SGCD: variants seen among roughly 807,000 people sequenced by gnomAD.
SGCD encodes the protein delta-sarcoglycan.
Under a neutral mutation model 36.6 loss-of-function variants are expected in SGCD, and 18 were observed. The ratio of observed to expected loss-of-function variants is 0.49; its 90% CI spans 0.34 to 0.73. The LOEUF (loss-of-function observed/expected upper bound fraction) is 0.73. SGCD is among the 30% of genes least tolerant of loss of function. The pLI is 0.01. For synonymous variants in SGCD, 133 were observed against 130.6 expected (o/e 1.02, Z -0.12); for missense variants, 387 against 346.7 (o/e 1.12, Z -0.92).
At chr5:156,108,766 G>A (rs890990893) in intron 1 of SGCD, among the ~76,000 whole-genome samples, 1 of 152,090 alleles carries the variant, frequency 6.6e-6, no homozygotes, top group Admixed American at 6.6e-5. Flanking sequence ...ATGGATAAGA[G>A]GGTTGATCAA....
chr5:156,736,788 C>T (rs1756391363), intron 7 of SGCD, among the ~76,000 whole-genome samples: 1 of 152,244 alleles, frequency 6.6e-6, no homozygotes, highest in South Asian at 2.1e-4. Flanking sequence ...GTGTTCACTA[C>T]ATAGTGATTA....
intron 6 of SGCD, among the ~76,000 whole-genome samples, chr5:156,642,700 G>A (rs10476477): frequency 0.079 from 11,941 of 151,546 alleles, 1,060 homozygotes; most frequent in African/African-American, 0.21. Flanking sequence ...AACTCCTGAC[G>A]TCATGATCCG....
chr5:155,834,725 C>A, the SGCD span, among the ~76,000 whole-genome samples: 1 of 152,100 alleles, frequency 6.6e-6, no homozygotes, highest in South Asian at 2.1e-4. Flanking sequence ...CCTTTCCCTG[C>A]ATTTCTCTCC....
At chr5:156,305,729 A>T (rs995254263) in intron 3 of SGCD, among the ~76,000 whole-genome samples, 1 of 152,236 alleles carries the variant, frequency 6.6e-6, no homozygotes, top group Non-Finnish European at 1.5e-5. Flanking sequence ...ATGCTAGCCC[A>T]TGATAGCAGT....
intron 7 of SGCD, among the ~76,000 whole-genome samples, chr5:156,678,245 G>A (rs949223326): frequency 6.6e-6 from 1 of 152,186 alleles, no homozygotes; most frequent in Non-Finnish European, 1.5e-5. Flanking sequence ...AATATTGTAA[G>A]CTGTGAAACA....
intron 1 of SGCD, among the ~76,000 whole-genome samples, chr5:156,013,080 C>T (rs1758894407): frequency 6.7e-6 from 1 of 148,596 alleles, no homozygotes. Flanking sequence ...GGCTGGAGTG[C>T]AGTGGCACCA....
intron 7 of SGCD, among the ~76,000 whole-genome samples, chr5:156,757,177 T>C (rs962568259): frequency 7.4e-6 from 1 of 135,788 alleles, no homozygotes; most frequent in South Asian, 2.3e-4. Context: ...TCTGCCTCCA[T>C]GGAAGATACA....
At chr5:156,304,533 G>A (rs1767150006) in intron 3 of SGCD, among the ~76,000 whole-genome samples, 1 of 152,074 alleles carries the variant, frequency 6.6e-6, no homozygotes, top group Non-Finnish European at 1.5e-5. Flanking sequence ...AAACCTTTTT[G>A]TTTTGTAAAT....
At chr5:155,820,734 C>T in the SGCD span, among the ~76,000 whole-genome samples, 2 of 152,042 alleles carry the variant, frequency 1.3e-5, no homozygotes, top group African/African-American at 2.4e-5. Context: ...CTGTATGTGA[C>T]TGCGCTTTGT....
At chr5:156,048,199 C>T (rs887580537) in intron 1 of SGCD, among the ~76,000 whole-genome samples, 3 of 152,170 alleles carry the variant, frequency 2.0e-5, no homozygotes, top group East Asian at 1.9e-4. Context: ...ATATGTGCCA[C>T]CTTTTCTTAA....
chr5:155,995,224 G>C (rs754034893), intron 1 of SGCD, among the ~76,000 whole-genome samples: 7 of 152,090 alleles, frequency 4.6e-5, no homozygotes, highest in Non-Finnish European at 8.8e-5. Context: ...TACAAGAGGA[G>C]GTCCAGAGCA....
At chr5:156,557,610 C>T (rs1025318921) in intron 4 of SGCD, among the ~76,000 whole-genome samples, 1 of 152,116 alleles carries the variant, frequency 6.6e-6, no homozygotes, top group Non-Finnish European at 1.5e-5. Flanking sequence ...GAATTGCCTA[C>T]ACCTATACTG....
chr5:156,671,738 T>C (rs776764190), intron 7 of SGCD, among the ~76,000 whole-genome samples: 1 of 152,142 alleles, frequency 6.6e-6, no homozygotes, highest in East Asian at 1.9e-4. Context: ...ATACCTGAGA[T>C]TGAGTAATTT....
At chr5:156,213,553 A>G (rs181580326) in intron 3 of SGCD, among the ~76,000 whole-genome samples, 14 of 152,150 alleles carry the variant, frequency 9.2e-5, no homozygotes, top group Admixed American at 3.9e-4. Context: ...AAAAGAACTA[A>G]TATCTATTCT....
chr5:156,033,157 G>A (rs564616286), intron 1 of SGCD, among the ~76,000 whole-genome samples: 1 of 152,062 alleles, frequency 6.6e-6, no homozygotes, highest in East Asian at 1.9e-4. Context: ...TCTTCATTCT[G>A]TGGTACTTGT....
At chr5:155,985,736 C>T (rs1181606385) in intron 1 of SGCD, among the ~76,000 whole-genome samples, 1 of 152,158 alleles carries the variant, frequency 6.6e-6, no homozygotes, top group Non-Finnish European at 1.5e-5. Context: ...GACTGCCTGG[C>T]CTCAAACCAT....
chr5:155,946,279 T>C (rs1315113126), intron 1 of SGCD, among the ~76,000 whole-genome samples: 1 of 152,150 alleles, frequency 6.6e-6, no homozygotes, highest in Non-Finnish European at 1.5e-5. Context: ...ACCTTGCAAG[T>C]TAGATAACAT....
chr5:155,980,226 C>A (rs1232558257), intron 1 of SGCD, among the ~76,000 whole-genome samples: 1 of 151,930 alleles, frequency 6.6e-6, no homozygotes, highest in African/African-American at 2.4e-5. Flanking sequence ...TTGTGGCAGC[C>A]CACACTGACT....
chr5:155,910,581 G>A (rs1337275210), intron 1 of SGCD, among the ~76,000 whole-genome samples: 1 of 151,962 alleles, frequency 6.6e-6, no homozygotes, highest in Non-Finnish European at 1.5e-5. Context: ...TCCACAGAGG[G>A]CCATGAAAAA....
Sources: gnomAD v4.1 joint callset for allele counts (sites outside exome capture counted in the v4.1 genomes callset) on GRCh38, gnomAD v4.1.1 for gene constraint, MANE v1.5 for transcripts, NCBI Gene and HGNC (gene_info 2026-07-23, HGNC 2026-07-21) for gene names.